The following MIA2 variants were observed in gnomAD, a reference collection of about 807,000 sequenced individuals.
The protein encoded by MIA2 is MIA SH3 domain ER export factor 2, also known as melanoma inhibitory activity protein 2.
MIA2 carries 127 observed loss-of-function variants against 167.8 expected under a neutral mutation model. The observed-to-expected ratio is 0.76, with a 90% confidence interval of 0.66 to 0.88. The LOEUF is 0.88. Among genes scored for constraint, MIA2 ranks in the 40% least tolerant of loss-of-function variants. The pLI is 0.00. For missense variants in MIA2, 1,690 were observed against 1,624.7 expected (o/e 1.04, Z -0.69); for synonymous variants, 552 against 541.9 (o/e 1.02, Z -0.26).
chr14:39,341,726 G>A (rs2071905317), intron 25 of MIA2, among the ~76,000 whole-genome samples: 1 of 152,174 alleles, frequency 6.6e-6, no homozygotes, highest in Admixed American at 6.5e-5. Flanking sequence ...TTAGTAAAGT[G>A]TAGTATGATT....
At position 39,269,245 on chromosome 14, in the gene MIA2, C is replaced by CT. The variant is rs566951330; in HGVS notation, c.1888-7682dup. On this transcript the variant is annotated intron_variant, in intron 6 of 28. Transcript: ENST00000640607. ...TCCTTTTATAATGTCCATTTCAGTGCTTTTTTTGTTAAATTCACTATGTTA... is the reference window on the plus strand; with the variant it reads ...TCCTTTTATAATGTCCATTTCAGTGCTTTTTTTTGTTAAATTCACTATGTTA... 5.9e-5 allele frequency among the ~76,000 whole-genome samples: 9 copies of CT among 151,660 alleles called. 1 individual carries two copies. The South Asian group carries it at 1.2e-3, about 21-fold the overall frequency.
At chr14:39,277,685 T>C (rs1186920362) in intron 7 of MIA2, among the ~76,000 whole-genome samples, 1 of 8,836 alleles carries the variant, frequency 1.1e-4, no homozygotes, top group Non-Finnish European at 2.0e-4. Flanking sequence ...TATATATATA[T>C]ATGTGTGTAT....
At chr14:39,338,264 C>A (rs928875010) in intron 25 of MIA2, among the ~76,000 whole-genome samples, 4 of 152,134 alleles carry the variant, frequency 2.6e-5, no homozygotes, top group Non-Finnish European at 5.9e-5. Flanking sequence ...CTGGCTGTTA[C>A]AATACACTAT....
downstream of MIA2, among the ~76,000 whole-genome samples, chr14:39,353,284 A>T (rs1168892574): frequency 3.9e-5 from 6 of 152,168 alleles, no homozygotes; most frequent in Non-Finnish European, 8.8e-5. Flanking sequence ...AAAGATTAGA[A>T]TTTATTTCAT....
intron 6 of MIA2, chr14:39,266,753 C>T: frequency 1.0e-6 from 1 of 984,600 alleles, no homozygotes; most frequent in Non-Finnish European, 1.2e-6. Flanking sequence ...GTCAGGACTT[C>T]TGCAGGGCGC....
intron 23 of MIA2, among the ~76,000 whole-genome samples, chr14:39,369,931 A>C (rs1286287386): frequency 6.6e-6 from 1 of 152,256 alleles, no homozygotes; most frequent in African/African-American, 2.4e-5. Context: ...AATAGAAGTT[A>C]CACAAAATTG....
chr14:39,355,647 GCTT>G (rs2074503630), downstream of MIA2, among the ~76,000 whole-genome samples: 1 of 152,132 alleles, frequency 6.6e-6, no homozygotes, highest in Non-Finnish European at 1.5e-5. Context: ...CAAAGGGAAT[GCTT>G]CCAGTTTTTG....
At chr14:39,244,966 C>T (rs760048926) in intron 3 of MIA2, among the ~76,000 whole-genome samples, 4 of 151,766 alleles carry the variant, frequency 2.6e-5, no homozygotes, top group African/African-American at 4.8e-5. Context: ...TTTGTAGAGA[C>T]AGGGGTTCTC....
intron 9 of MIA2, among the ~76,000 whole-genome samples, chr14:39,289,058 A>G (rs1416555550): frequency 1.3e-5 from 2 of 152,138 alleles, no homozygotes; most frequent in African/African-American, 2.4e-5. Flanking sequence ...TAATAATTCT[A>G]CTTTGAAAAT....
chr14:39,295,888 T>A (rs1302010122), intron 13 of MIA2, among the ~76,000 whole-genome samples: 9 of 152,210 alleles, frequency 5.9e-5, no homozygotes, highest in Non-Finnish European at 2.9e-5. Context: ...TTCTGTCTTA[T>A]TCAATATTTT....
chr14:39,303,582 T>G, intron 16 of MIA2, 58 bp downstream of exon 16: 1 of 1,209,728 alleles, frequency 8.3e-7, no homozygotes, highest in Non-Finnish European at 1.2e-6. Context: ...CGTGGATTAC[T>G]CATGTCCCAG....
chr14:39,357,713 G>C (rs952919551), intron 23 of MIA2, among the ~76,000 whole-genome samples: 9 of 152,178 alleles, frequency 5.9e-5, no homozygotes, highest in Non-Finnish European at 1.2e-4. Flanking sequence ...TCCATGTGTA[G>C]TGCTTCCTTC....
intron 23 of MIA2, among the ~76,000 whole-genome samples, chr14:39,369,566 C>G (rs1467787701): frequency 6.6e-6 from 1 of 152,218 alleles, no homozygotes; most frequent in Non-Finnish European, 1.5e-5. Context: ...ATTTTATCTT[C>G]AACCTAATCC....
At chr14:39,240,531 C>T (rs1379817366) in intron 2 of MIA2, 30 bp from the exon 3 acceptor site, 1 of 1,534,876 alleles carries the variant, frequency 6.5e-7, no homozygotes, top group South Asian at 1.1e-5. Context: ...ATCATTCTTC[C>T]TCGATAATCT....
rs1162664529 is a variant in MIA2, at chr14:39,301,849, A to G, written c.2620-280A>G. Among the ~76,000 whole-genome samples, 4 of 152,212 alleles carry G rather than the reference A, an allele frequency of 2.6e-5. No homozygotes were observed. The South Asian group carries it at 6.2e-4, about 24-fold the overall frequency. Reference sequence around the variant, plus strand: ...TTATTTGTGGCATGTGAGAAATGTCATATAAAAAATATTTTACTACTTTTT... The same window carrying G: ...TTATTTGTGGCATGTGAGAAATGTCGTATAAAAAATATTTTACTACTTTTT... On this transcript the variant is annotated intron_variant, in intron 14 of 28. Coordinates refer to ENST00000640607, the MANE Select transcript of MIA2 (RefSeq NM_001329214.4).
Position 39,247,222 on chromosome 14 carries a change from A to T in MIA2, c.648A>T (p.Pro216=). The T allele has an allele frequency of 6.2e-7, 1 of 1,614,152 alleles. No homozygotes were observed. The highest frequency in any genetic ancestry group is 8.5e-7 in the Non-Finnish European group (1 of 1,180,016). Reference sequence around the variant, plus strand: ...GTATTCCAGAAGTGCATGTCCCACCATCTTCAGCTGTGTCTGGAGTCAAAG... The same window carrying T: ...GTATTCCAGAAGTGCATGTCCCACCTTCTTCAGCTGTGTCTGGAGTCAAAG... The part of the protein sequence containing the change: ...QDRIPEVHVP[P]SSAVSGVKEW... Residue 216 remains proline (P), a synonymous_variant, in exon 4 of 29, where the codon CCA becomes CCT. Coordinates refer to ENST00000640607, the MANE Select transcript of MIA2 (RefSeq NM_001329214.4).
rs144102688 is a variant in MIA2 at position 39,350,152 on chromosome 14, G to C, written c.4127G>C (p.Gly1376Ala). ...CCTCCTTACCTTCCCCCAAGACCTG[G>C]ATTTTTCCCCCCACCCCCACATTCT... ...GFPPYLPPRPGFFPPPPHSEG... is the reference protein window; with the variant it reads ...GFPPYLPPRPAFFPPPPHSEG... The change falls in exon 29 of 29, where the codon GGA (glycine) becomes GCA (alanine). Residue 1376 changes from glycine to alanine, a missense_variant. Gly to Ala is a moderately conservative substitution (Grantham distance 60). Coordinates refer to ENST00000640607, the MANE Select transcript of MIA2 (RefSeq NM_001329214.4). The C allele has an allele frequency of 1.4e-4, 191 of 1,412,586 alleles. No individual in the cohort carries two copies. Among genetic ancestry groups the C allele is most frequent in the Middle Eastern group, 7.1e-4 (4 of 5,652 alleles). The allele number at this position is 1,412,586 out of a possible 1,614,324, so 87.5% of individuals were successfully genotyped here. A position where few individuals can be genotyped will look rare whatever the true frequency, so the allele number is the denominator to read the frequency against.
intron 9 of MIA2, among the ~76,000 whole-genome samples, chr14:39,280,945 GTCTC>G (rs71130836): frequency 5.9e-5 from 7 of 118,784 alleles, no homozygotes; most frequent in Admixed American, 9.4e-5. Context: ...TTGAGACAGC[GTCTC>G]TCTCTCTCTC....
chr14:39,371,826 T>C (rs1264434609), intron 23 of MIA2, among the ~76,000 whole-genome samples: 1 of 152,196 alleles, frequency 6.6e-6, no homozygotes, highest in Non-Finnish European at 1.5e-5. Context: ...CTTTCTGTCT[T>C]AGTCTCCTGG....
Sources: allele counts gnomAD v4.1 joint callset (sites outside exome capture counted in the v4.1 genomes callset), GRCh38; gene constraint gnomAD v4.1.1; transcripts MANE v1.5; gene names NCBI Gene and HGNC (gene_info 2026-07-23, HGNC 2026-07-21).